The following VAV3 variants were observed in gnomAD, a reference collection of about 807,000 sequenced individuals.
The protein encoded by VAV3 is guanine nucleotide exchange factor VAV3.
In VAV3, 94 loss-of-function variants were observed where a neutral mutation model predicts 131.2. The observed-to-expected ratio is 0.72, with a 90% CI of 0.61 to 0.85. The LOEUF (loss-of-function observed/expected upper bound fraction) is 0.85, where lower values mean the gene tolerates loss of function less well. VAV3 is among the 40% of genes least tolerant of loss of function. The probability of loss-of-function intolerance (pLI) is 0.00; values close to 1 mark genes in which losing one functional copy is unlikely to be tolerated. For missense variants in VAV3, 939 were observed against 1,002.7 expected (o/e 0.94, Z 0.86); for synonymous variants, 349 against 342.0 (o/e 1.02, Z -0.22).
At chr1:107,802,545 A>T (rs565548594) in intron 2 of VAV3, among the ~76,000 whole-genome samples, 30 of 152,216 alleles carry the variant, frequency 2.0e-4, no homozygotes, top group African/African-American at 7.0e-4. Context: ...GAGGATTTTT[A>T]TCATAAAGTG....
At chr1:107,700,635 T>C (rs182735764) in intron 17 of VAV3, among the ~76,000 whole-genome samples, 4 of 152,338 alleles carry the variant, frequency 2.6e-5, no homozygotes, top group Admixed American at 2.6e-4. Flanking sequence ...CATGATCTCA[T>C]TCCTCTTTAT....
chr1:107,771,414 A>C (rs1665037010), intron 5 of VAV3, among the ~76,000 whole-genome samples: 1 of 152,044 alleles, frequency 6.6e-6, no homozygotes, highest in Admixed American at 6.6e-5. Context: ...CGCCACGCCC[A>C]GCTAATTTTT....
At position 107,574,182 on chromosome 1, in the gene VAV3, C is replaced by A. The variant is rs776968891; in HGVS notation, c.2367G>T (p.Val789=). 1.2e-6 allele frequency: 2 copies of A among 1,613,432 alleles called. No homozygotes were observed. Among genetic ancestry groups the A allele is most frequent in the Non-Finnish European group, 1.7e-6 (2 of 1,179,866 alleles). ...CATACCGAGCGATGGCAATGCCCAG[C>A]ACTTTTGGACTTAACACTGTCAAGA... The part of the protein sequence containing the change: ...RAGNSLLSPK[V]LGIAIARYDF... The change falls in exon 26 of 27, where the codon GTG becomes GTT. Residue 789 remains valine, a synonymous_variant. Coordinates refer to ENST00000370056, the MANE Select transcript of VAV3 (RefSeq NM_006113.5).
In VAV3 at chr1:107,964,803, C is replaced by G; in HGVS notation, c.67G>C (p.Val23Leu). 4.3e-6 allele frequency: 7 copies of G among 1,613,992 alleles called. No individual in the cohort carries two copies. The highest frequency in any genetic ancestry group is 5.1e-6 in the Non-Finnish European group (6 of 1,179,980). The change falls in exon 1 of 27, where the codon GTG (valine) becomes CTG (leucine). Residue 23 changes from valine to leucine, a missense_variant. Physicochemically the swap from Val to Leu is conservative, Grantham distance 32. Transcript: ENST00000370056. ...HCKVLPTNHR[V>L]TWDSAQVFDL... ...AACACCTGAGCCGAGTCCCAGGTCA[C>G]CCGGTGGTTGGTGGGCAGCACCTTG...
chr1:107,618,939 AATGTGGAAT>A (rs1653366389), intron 20 of VAV3, among the ~76,000 whole-genome samples: 1 of 152,228 alleles, frequency 6.6e-6, no homozygotes, highest in African/African-American at 2.4e-5. Context: ...AACTTGCACC[AATGTGGAAT>A]ATGGCTCCTA....
At chr1:107,945,337 C>CA (rs1674199252) in intron 1 of VAV3, among the ~76,000 whole-genome samples, 1 of 152,166 alleles carries the variant, frequency 6.6e-6, no homozygotes, top group African/African-American at 2.4e-5. Flanking sequence ...TTTAAACTTA[C>CA]AAAGGCATTT....
chr1:107,581,010 G>A (rs977519214), intron 25 of VAV3, among the ~76,000 whole-genome samples: 5 of 152,220 alleles, frequency 3.3e-5, no homozygotes, highest in African/African-American at 9.6e-5. Context: ...AAATGGGAAC[G>A]TTGAGGTGGT....
At chr1:107,952,159 G>C (rs530598149) in intron 1 of VAV3, among the ~76,000 whole-genome samples, 2 of 152,072 alleles carry the variant, frequency 1.3e-5, no homozygotes, top group Non-Finnish European at 1.5e-5. Flanking sequence ...GTCTTTTGCA[G>C]AGACATGGAT....
At chr1:107,714,806 A>G (rs1660997040) in intron 15 of VAV3, among the ~76,000 whole-genome samples, 5 of 152,142 alleles carry the variant, frequency 3.3e-5, no homozygotes, top group Admixed American at 3.3e-4. Flanking sequence ...ATCCAGGGAA[A>G]TGAATAAATA....
rs572558139 is a variant in VAV3, at chr1:107,796,185, CAG to C, written c.322-16695_322-16694del. Among the ~76,000 whole-genome samples, 828 of 152,164 alleles carry C rather than the reference CAG, an allele frequency of 5.4e-3. 8 individuals carry two copies. The highest frequency in any genetic ancestry group is 0.015 in the South Asian group (71 of 4,824). ...GCCATGCAACCAGCATGAGACTGCACAGAGTTTCTAATCTTTGCTGCAGCCCT... is the reference window on the plus strand; with the variant it reads ...GCCATGCAACCAGCATGAGACTGCACAGTTTCTAATCTTTGCTGCAGCCCT... On this transcript the variant is annotated intron_variant, in intron 2 of 26. Coordinates refer to ENST00000370056, the MANE Select transcript of VAV3 (RefSeq NM_006113.5).
intron 2 of VAV3, among the ~76,000 whole-genome samples, chr1:107,835,545 T>G (rs1428392764): frequency 6.6e-6 from 1 of 152,198 alleles, no homozygotes; most frequent in Non-Finnish European, 1.5e-5. Flanking sequence ...ATCTGCTAGC[T>G]GCAGCCTCTG....
At chr1:107,844,607 C>T (rs1362259283) in intron 2 of VAV3, among the ~76,000 whole-genome samples, 2 of 152,136 alleles carry the variant, frequency 1.3e-5, no homozygotes, top group African/African-American at 2.4e-5. Flanking sequence ...AGTCTGAAGT[C>T]GACCTGGGAT....
At chr1:107,603,682 T>C (rs963965936) in intron 22 of VAV3, among the ~76,000 whole-genome samples, 2 of 152,190 alleles carry the variant, frequency 1.3e-5, no homozygotes, top group African/African-American at 4.8e-5. Context: ...CAATTAGTAA[T>C]AATGAGTAAA....
chr1:107,762,369 A>C (rs1014016500), intron 9 of VAV3, among the ~76,000 whole-genome samples: 2 of 152,194 alleles, frequency 1.3e-5, no homozygotes, highest in African/African-American at 2.4e-5. Context: ...CCGTGACTTA[A>C]TGAGTATGTC....
At chr1:107,611,213 G>C (rs1488674098) in intron 21 of VAV3, among the ~76,000 whole-genome samples, 4 of 152,182 alleles carry the variant, frequency 2.6e-5, no homozygotes, top group Admixed American at 2.6e-4. Flanking sequence ...TTGGACTTTA[G>C]AGCATTTCAG....
chr1:107,850,727 A>T (rs536508959), intron 2 of VAV3, among the ~76,000 whole-genome samples: 18 of 152,046 alleles, frequency 1.2e-4, no homozygotes, highest in East Asian at 5.8e-4. Flanking sequence ...TAATTTTTTT[A>T]AAAAAAAGAA....
chr1:107,686,910 C>T (rs1329357553), intron 18 of VAV3, among the ~76,000 whole-genome samples: 1 of 152,078 alleles, frequency 6.6e-6, no homozygotes, highest in African/African-American at 2.4e-5. Context: ...ATGAAACCAT[C>T]TTCCTTGGAA....
chr1:107,748,943 C>G, intron 15 of VAV3, 25 bp downstream of exon 15: 1 of 1,503,796 alleles, frequency 6.6e-7, no homozygotes, highest in Non-Finnish European at 9.1e-7. Flanking sequence ...AAAATAAAAG[C>G]ACTTTTAAAA....
Position 107,704,601 on chromosome 1 carries a change from G to A in VAV3, c.1654C>T (p.His552Tyr). Residue 552 changes from histidine to tyrosine, a missense_variant, in exon 17 of 27, where the codon CAC (histidine) becomes TAC (tyrosine). By Grantham distance (83) the His-to-Tyr change is moderately conservative. Transcript: ENST00000370056. ...TCTACTCTTCCCAAACATTCTTTGT[G>A]TGCTCTCGCTCCACACTTAAAACAT... ...YLCFKCGARA[H>Y]KECLGRVDNC... The A allele has an allele frequency of 1.9e-6, 3 of 1,613,880 alleles. No homozygotes were observed. The highest frequency in any genetic ancestry group is 2.5e-6 in the Non-Finnish European group (3 of 1,179,918).
Sources: allele counts gnomAD v4.1 joint callset (sites outside exome capture counted in the v4.1 genomes callset), GRCh38; gene constraint gnomAD v4.1.1; transcripts MANE v1.5; gene names NCBI Gene and HGNC (gene_info 2026-07-23, HGNC 2026-07-21).